RCN2: variants seen among roughly 807,000 people sequenced by gnomAD.
RCN2 encodes the protein reticulocalbin-2.
In RCN2, 23 loss-of-function variants were observed where a neutral mutation model predicts 37.5. The ratio of observed to expected loss-of-function variants is 0.61; its 90% confidence interval spans 0.44 to 0.87. The LOEUF is 0.87. Among genes scored for constraint, RCN2 ranks in the 40% least tolerant of loss-of-function variants. The pLI is 0.00. For synonymous variants in RCN2, 140 were observed against 144.6 expected (o/e 0.97, Z 0.23); for missense variants, 381 against 390.4 (o/e 0.98, Z 0.20).
At chr15:76,948,272 C>T in intron 5 of RCN2, 138 bp from the exon 6 acceptor site, 1 of 506,196 alleles carries the variant, frequency 2.0e-6, no homozygotes, top group Non-Finnish European at 3.3e-6. Context: ...CAGGACTTTT[C>T]AGTTAAGTAG....
At chr15:76,949,003 C>A in intron 6 of RCN2, 67 bp from the exon 7 acceptor site, 1 of 1,380,728 alleles carries the variant, frequency 7.2e-7, no homozygotes, top group Non-Finnish European at 9.8e-7. Context: ...AGTCAAATCA[C>A]ATTAAATTGT....
rs114754379 is a variant in RCN2, at chr15:76,935,619, A to G, written c.344A>G (p.Asp115Gly). 21 of 1,612,484 alleles carry G rather than the reference A, an allele frequency of 1.3e-5. No homozygotes were observed. In the East Asian group the frequency reaches 4.2e-4, roughly 33 times the overall value. The stretch of plus-strand genomic sequence containing the variant: ...GTTGAATATGATAAAAACAGTGATG[A>G]TACTGTGACTTGGGATGAATATAAC... Reference protein sequence around the residue: ...QFVEYDKNSDDTVTWDEYNIQ... With the variant: ...QFVEYDKNSDGTVTWDEYNIQ... The change falls in exon 3 of 7, where the codon GAT (aspartate) becomes GGT (glycine). Residue 115 changes from aspartate to glycine, a missense_variant. Asp to Gly is a moderately conservative substitution (Grantham distance 94). Transcript: ENST00000394885.
chr15:76,936,639 G>A (rs975408884), intron 3 of RCN2, among the ~76,000 whole-genome samples: 3 of 152,110 alleles, frequency 2.0e-5, no homozygotes, highest in African/African-American at 7.2e-5. Flanking sequence ...ACCCGTCCGC[G>A]ACCTAGGGAT....
chr15:76,936,216 A>C (rs1480514270), intron 3 of RCN2, among the ~76,000 whole-genome samples: 1 of 152,160 alleles, frequency 6.6e-6, no homozygotes, highest in African/African-American at 2.4e-5. Context: ...ACATATACAG[A>C]ACTTTTTTCT....
chr15:76,931,793 C>T lies in RCN2; in HGVS notation c.-49C>T. The stretch of plus-strand genomic sequence containing the variant: ...GAGCATCGCAGCCGGCCCGGGCCCC[C>T]GCCAGCCTCCCTCCTCGCGTCCCTC... On this transcript the variant is annotated 5_prime_UTR_variant, in exon 1 of 7. Coordinates refer to ENST00000394885, the MANE Select transcript of RCN2 (RefSeq NM_002902.3). 1.7e-6 allele frequency: 2 copies of T among 1,193,492 alleles called. No homozygotes were observed. The highest frequency in any genetic ancestry group is 1.0e-6 in the Non-Finnish European group (1 of 962,460). 73.9% of individuals were successfully genotyped at this position (1,193,492 alleles called of 1,614,324 possible).
Position 76,953,588 on chromosome 15 carries a change from T to TAC in RCN2, c.*4367_*4368insCA, listed in dbSNP as rs2075333252. 2.2e-4 allele frequency: 5 copies of TAC among 22,648 alleles called. No homozygotes were observed. Among genetic ancestry groups the TAC allele is most frequent in the Non-Finnish European group, 4.5e-4 (5 of 11,142 alleles). The allele number at this position is 22,648 out of a possible 1,614,324, so 1.4% of individuals were successfully genotyped here. A position where few individuals can be genotyped will look rare whatever the true frequency, so the allele number is the denominator to read the frequency against. ...ATATATATATATATATATATATATA[T>TAC]ATATATTTTTTTTTTTTTTTTTTTT... is the stretch of plus-strand genomic sequence containing the variant. On this transcript the variant is annotated 3_prime_UTR_variant, in exon 7 of 7. Transcript: ENST00000394885.
intron 3 of RCN2, among the ~76,000 whole-genome samples, chr15:76,935,996 G>C (rs2075245904): frequency 6.6e-6 from 1 of 151,644 alleles, no homozygotes; most frequent in African/African-American, 2.4e-5. Context: ...AATGTGTTTT[G>C]AATGAGTATC....
chr15:76,938,638 T>C (rs1303589141), intron 3 of RCN2: 1 of 429,988 alleles, frequency 2.3e-6, no homozygotes, highest in African/African-American at 2.0e-5. Flanking sequence ...TTTCTAAGTG[T>C]GCTATTTATT....
At chr15:76,936,372 C>T (rs2075247706) in intron 3 of RCN2, among the ~76,000 whole-genome samples, 1 of 152,002 alleles carries the variant, frequency 6.6e-6, no homozygotes, top group Admixed American at 6.5e-5. Flanking sequence ...ACAATTTTTC[C>T]ACGGGACAGT....
rs748439244 is a variant in RCN2 at position 76,948,398 on chromosome 15, T to G, written c.659-12T>G. 1.1e-5 allele frequency: 18 copies of G among 1,572,106 alleles called. No homozygotes were observed. The highest frequency in any genetic ancestry group is 1.6e-5 in the Non-Finnish European group (18 of 1,152,066). On this transcript the variant is annotated splice_polypyrimidine_tract_variant and intron_variant, in intron 5 of 6. Transcript: ENST00000394885. ...TTCTTGTGTATGTATATTTGTGTTT[T>G]TTTATATTAAGCTGCAAATGAAGAT...
At chr15:76,932,820 T>C (rs1339897338) in intron 2 of RCN2, among the ~76,000 whole-genome samples, 2 of 152,252 alleles carry the variant, frequency 1.3e-5, no homozygotes, top group African/African-American at 2.4e-5. Flanking sequence ...TCTTTTGATA[T>C]ATGCTTCATT....
At chr15:76,947,010 G>T (rs1437424860) in intron 4 of RCN2, among the ~76,000 whole-genome samples, 1 of 152,180 alleles carries the variant, frequency 6.6e-6, no homozygotes. Flanking sequence ...TTTTAGGGTT[G>T]TTCATGGATT....
intron 3 of RCN2, chr15:76,943,391 A>G: frequency 6.3e-6 from 1 of 158,846 alleles, no homozygotes; most frequent in Non-Finnish European, 1.4e-5. Flanking sequence ...TTTTCTATCA[A>G]TAATAGTATA....
In RCN2 at chr15:76,949,707, T is replaced by C. The variant is rs1348223683; in HGVS notation, c.*485T>C. 1 of 152,666 alleles carries C rather than the reference T, an allele frequency of 6.6e-6. No individual in the cohort carries two copies. The highest frequency in any genetic ancestry group is 2.4e-5 in the African/African-American group (1 of 41,466). The allele number at this position is 152,666 out of a possible 1,614,324, so 9.5% of individuals were successfully genotyped here. The stretch of plus-strand genomic sequence containing the variant: ...TTTAGAAGGACTTAGACCTCACATA[T>C]TAATGTTGAGAAGTTCTGCTTAATT... On this transcript the variant is annotated 3_prime_UTR_variant, in exon 7 of 7. Transcript: ENST00000394885.
At chr15:76,943,102 A>G (rs2075282279) in intron 3 of RCN2, 2 of 152,238 alleles carry the variant, frequency 1.3e-5, no homozygotes, top group Non-Finnish European at 1.5e-5. Flanking sequence ...CCAAGATTTA[A>G]TACATGGTAT....
In RCN2 at chr15:76,931,789, C is replaced by T. The variant is rs1461686368; in HGVS notation, c.-53C>T. On this transcript the variant is annotated 5_prime_UTR_variant, in exon 1 of 7. Transcript: ENST00000394885. The stretch of plus-strand genomic sequence containing the variant: ...CGCGGAGCATCGCAGCCGGCCCGGG[C>T]CCCCGCCAGCCTCCCTCCTCGCGTC... 26 of 1,186,800 alleles carry T rather than the reference C, an allele frequency of 2.2e-5. No individual in the cohort carries two copies. The highest frequency in any genetic ancestry group is 4.5e-4 in the Middle Eastern group (2 of 4,456). The allele number at this position is 1,186,800 out of a possible 1,614,324, so 73.5% of individuals were successfully genotyped here. A position where few individuals can be genotyped will look rare whatever the true frequency, so the allele number is the denominator to read the frequency against.
rs1313699802 is a variant in RCN2, at chr15:76,931,751, C to G, written c.-91C>G. ...GCCCTCAACGTACGTCGCACCGCCT[C>G]TCTGTAGCCGCCCGCGGAGCATCGC... On this transcript the variant is annotated 5_prime_UTR_variant, in exon 1 of 7. Coordinates refer to ENST00000394885, the MANE Select transcript of RCN2 (RefSeq NM_002902.3). The G allele has an allele frequency of 1.6e-5, 17 of 1,042,586 alleles. No individual in the cohort carries two copies. The highest frequency in any genetic ancestry group is 2.0e-5 in the Non-Finnish European group (17 of 830,182). 64.6% of individuals were successfully genotyped at this position (1,042,586 alleles called of 1,614,324 possible). A position where few individuals can be genotyped will look rare whatever the true frequency, so the allele number is the denominator to read the frequency against.
chr15:76,935,600 T>C lies in RCN2; in HGVS notation c.325T>C (p.Tyr109His). The C allele has an allele frequency of 3.1e-6, 5 of 1,613,654 alleles. No individual in the cohort carries two copies. Among genetic ancestry groups the C allele is most frequent in the Non-Finnish European group, 4.2e-6 (5 of 1,179,592 alleles). Residue 109 changes from tyrosine (Y) to histidine (H), a missense_variant, in exon 3 of 7, where the codon TAT becomes CAT. Tyr to His is a moderately conservative substitution (Grantham distance 83). Transcript: ENST00000394885. ...MQEAKQQFVE[Y>H]DKNSDDTVTW... Reference sequence around the variant, plus strand: ...AGAAGCAAAACAACAGTTTGTTGAATATGATAAAAACAGTGATGATACTGT... The same window carrying C: ...AGAAGCAAAACAACAGTTTGTTGAACATGATAAAAACAGTGATGATACTGT...
chr15:76,949,993 TC>T lies in RCN2; in HGVS notation c.*773del, dbSNP rs1271675779. On this transcript the variant is annotated 3_prime_UTR_variant, in exon 7 of 7. Coordinates refer to ENST00000394885, the MANE Select transcript of RCN2 (RefSeq NM_002902.3). ...TTGTACATTATCTTGCCTCATCCAT[TC>T]CTTTATGTGGATAGTTCCCAAAACT... The T allele has an allele frequency of 6.6e-6, 1 of 152,652 alleles. No individual in the cohort carries two copies. The highest frequency in any genetic ancestry group is 1.5e-5 in the Non-Finnish European group (1 of 68,040). 9.5% of individuals were successfully genotyped at this position (152,652 alleles called of 1,614,324 possible).
Sources: gnomAD v4.1 joint callset for allele counts (sites outside exome capture counted in the v4.1 genomes callset) on GRCh38, gnomAD v4.1.1 for gene constraint, MANE v1.5 for transcripts, NCBI Gene and HGNC (gene_info 2026-07-23, HGNC 2026-07-21) for gene names.